The following PPFIBP2 variants were observed in gnomAD, a reference collection of about 807,000 sequenced individuals.
The protein encoded by PPFIBP2 is liprin-beta-2.
PPFIBP2 carries 118 observed loss-of-function variants against 118.3 expected under a neutral mutation model. The ratio of observed to expected loss-of-function variants is 1.00; its 90% CI spans 0.86 to 1.16. The LOEUF (loss-of-function observed/expected upper bound fraction) is 1.16, where lower values mean the gene tolerates loss of function less well. Ranked by LOEUF, PPFIBP2 falls within the 50% of genes most tolerant of loss-of-function variation. The pLI, the probability that PPFIBP2 is intolerant of heterozygous loss-of-function variation, is 0.00. For synonymous variants in PPFIBP2, 414 were observed against 397.4 expected (o/e 1.04, Z -0.50); for missense variants, 1,195 against 1,073.1 (o/e 1.11, Z -1.59).
chr11:7,555,203 A>G (rs2134599180), intron 2 of PPFIBP2, among the ~76,000 whole-genome samples: 1 of 152,260 alleles, frequency 6.6e-6, no homozygotes, highest in South Asian at 2.1e-4. Context: ...CGTGGTCAGG[A>G]CACAGAAGGC....
rs144535721 is a variant in PPFIBP2 at position 7,610,891 on chromosome 11, A to C, written c.618+469A>C. 6.0e-3 allele frequency among the ~76,000 whole-genome samples: 910 copies of C among 152,318 alleles called. 13 individuals carry two copies. The highest frequency in any genetic ancestry group is 0.021 in the African/African-American group (877 of 41,576). On this transcript the variant is annotated intron_variant, in intron 6 of 23. Coordinates refer to ENST00000299492, the MANE Select transcript of PPFIBP2 (RefSeq NM_003621.5). ...TCTCTTTTCCTGATGGGTCTTATGG[A>C]GCATGCCATGTGCAGGCCTTCTCTT... is the stretch of plus-strand genomic sequence containing the variant.
intron 3 of PPFIBP2, among the ~76,000 whole-genome samples, chr11:7,588,372 A>G (rs1007968340): frequency 3.9e-5 from 6 of 152,162 alleles, no homozygotes; most frequent in South Asian, 2.1e-4. Flanking sequence ...ATTGACTATC[A>G]TGATCAACTC....
At chr11:7,661,156 G>A (rs1407875860), downstream of PPFIBP2, among the ~76,000 whole-genome samples, 1 of 150,778 alleles carries the variant, frequency 6.6e-6, no homozygotes, top group Non-Finnish European at 1.5e-5. Flanking sequence ...CTTCAGTTCT[G>A]CTCTGATTTT....
chr11:7,628,109 TAGCAAATATTTAAGGAGGCCG>T (rs1850265833), intron 8 of PPFIBP2, among the ~76,000 whole-genome samples, 155 bp from the exon 9 acceptor site: 2 of 152,218 alleles, frequency 1.3e-5, no homozygotes, highest in African/African-American at 4.8e-5. Flanking sequence ...TTTAGTAGTC[TAGCAAATATTTAAGGAGGCCG>T]ATTCTGTAGC....
rs142714678 is a variant in PPFIBP2, at chr11:7,616,778, C to G, written c.619-4157C>G. Among the ~76,000 whole-genome samples the G allele has an allele frequency of 6.6e-6, 1 of 151,608 alleles. No homozygotes were observed. Among genetic ancestry groups the G allele is most frequent in the African/African-American group, 2.4e-5 (1 of 41,242 alleles). On this transcript the variant is annotated intron_variant, in intron 6 of 23. Coordinates refer to ENST00000299492, the MANE Select transcript of PPFIBP2 (RefSeq NM_003621.5). The surrounding 1 kb of genome is among the most constrained non-coding windows in gnomAD (Gnocchi z 5.2). ...AGAGAGGACGTGTTTGTGTGTGTGC[C>G]CCAGTGTGCACCCATCTCTGCTATT...
intron 3 of PPFIBP2, among the ~76,000 whole-genome samples, chr11:7,574,851 A>G (rs1362817619): frequency 2.6e-5 from 4 of 152,218 alleles, no homozygotes; most frequent in African/African-American, 9.6e-5. Flanking sequence ...GAGTTGAATT[A>G]CAACGTAAGT....
At chr11:7,631,190 A>G (rs1453771031) in intron 11 of PPFIBP2, 162 bp downstream of exon 11, 16 of 619,692 alleles carry the variant, frequency 2.6e-5, no homozygotes, top group Admixed American at 1.4e-4. Context: ...TGGGCGAGCA[A>G]GAGGCTGAGG....
At chr11:7,628,049 T>C (rs1850256886) in intron 8 of PPFIBP2, among the ~76,000 whole-genome samples, 1 of 152,210 alleles carries the variant, frequency 6.6e-6, no homozygotes, top group Non-Finnish European at 1.5e-5. Context: ...GGCATTTTGA[T>C]TTTGCCCATA....
rs563724806 is a variant in PPFIBP2, at chr11:7,634,393, C to G, written c.1137-102C>G. 7.4e-6 allele frequency: 7 copies of G among 944,910 alleles called. No homozygotes were observed. In the African/African-American group the frequency reaches 1.1e-4, roughly 15 times the overall value. 58.5% of individuals were successfully genotyped at this position (944,910 alleles called of 1,614,324 possible). ...GTATTTTTTTTTCTTGACTTTGAAC[C>G]TAAGCCCAAGACCATCGGTTAAGCA... On this transcript the variant is annotated intron_variant, in intron 12 of 23. Coordinates refer to ENST00000299492, the MANE Select transcript of PPFIBP2 (RefSeq NM_003621.5).
At chr11:7,597,707 C>A in intron 5 of PPFIBP2, 34 bp downstream of exon 5, 1 of 1,538,654 alleles carries the variant, frequency 6.5e-7, no homozygotes. Flanking sequence ...CCTTGGGTGC[C>A]GAAGCAGCTC....
chr11:7,600,909 A>G (rs904211941), intron 5 of PPFIBP2, among the ~76,000 whole-genome samples: 41 of 152,226 alleles, frequency 2.7e-4, no homozygotes, highest in African/African-American at 9.2e-4. Flanking sequence ...ATGCTGTGTG[A>G]ATCATACAGT....
At chr11:7,648,961 G>C in intron 19 of PPFIBP2, 50 bp downstream of exon 19, 1 of 1,530,178 alleles carries the variant, frequency 6.5e-7, no homozygotes. Flanking sequence ...GCAACTAAGA[G>C]TAGAAAGAAT....
intron 14 of PPFIBP2, among the ~76,000 whole-genome samples, chr11:7,637,277 T>C (rs1851575949): frequency 6.6e-6 from 1 of 152,232 alleles, no homozygotes; most frequent in Non-Finnish European, 1.5e-5. Flanking sequence ...TGGAGTGTGA[T>C]ATTCTAGATG....
At chr11:7,661,362 G>T (rs562653490), downstream of PPFIBP2, among the ~76,000 whole-genome samples, 253 of 150,734 alleles carry the variant, frequency 1.7e-3, 1 homozygote, top group African/African-American at 5.9e-3. Context: ...TGTTCTCGTT[G>T]GTTTCAAAGA....
chr11:7,570,998 G>A lies in PPFIBP2; in HGVS notation c.279+5231G>A, dbSNP rs189087520. ...CTTGGGTTCCAAAGTGTGGAGACAGGTTAGGAACCTCTCAGTTTACTGCTG... is the reference window on the plus strand; with the variant it reads ...CTTGGGTTCCAAAGTGTGGAGACAGATTAGGAACCTCTCAGTTTACTGCTG... On this transcript the variant is annotated intron_variant, in intron 3 of 23. Coordinates refer to ENST00000299492, the MANE Select transcript of PPFIBP2 (RefSeq NM_003621.5). Among the ~76,000 whole-genome samples the A allele has an allele frequency of 8.0e-4, 122 of 152,304 alleles. 1 individual carries two copies. In the East Asian group the frequency reaches 0.021, roughly 26 times the overall value.
chr11:7,648,872 G>A lies in PPFIBP2; in HGVS notation c.1870G>A (p.Glu624Lys), dbSNP rs965082577. 5.0e-6 allele frequency: 8 copies of A among 1,614,094 alleles called. No individual in the cohort carries two copies. The highest frequency in any genetic ancestry group is 1.3e-5 in the African/African-American group (1 of 75,034). The part of the protein sequence containing the change: ...LAVKAINTKQ[E>K]EKSALLDHIW... ...AGTGAAAGCCATCAACACCAAACAG[G>A]AGGAGAAGTCTGCACTGCTAGACCA... Residue 624 changes from glutamate (E) to lysine (K), a missense_variant, in exon 19 of 24, where the codon GAG (glutamate) becomes AAG (lysine). Coordinates refer to ENST00000299492, the MANE Select transcript of PPFIBP2 (RefSeq NM_003621.5).
chr11:7,563,837 T>G (rs1854620898), intron 2 of PPFIBP2, among the ~76,000 whole-genome samples: 1 of 152,130 alleles, frequency 6.6e-6, no homozygotes, highest in Admixed American at 6.5e-5. Context: ...GAAAGGAGAC[T>G]TTTGCTGCTG....
chr11:7,548,764 C>A (rs1179312947), intron 1 of PPFIBP2, among the ~76,000 whole-genome samples: 1 of 152,070 alleles, frequency 6.6e-6, no homozygotes, highest in Non-Finnish European at 1.5e-5. Flanking sequence ...GTTCATCTGC[C>A]CTGAAAAGAT....
chr11:7,521,335 C>G (rs1849743225), intron 1 of PPFIBP2, among the ~76,000 whole-genome samples: 1 of 152,138 alleles, frequency 6.6e-6, no homozygotes. Context: ...TAAAATACAC[C>G]ATCCTTGTAT....
Sources: gnomAD v4.1 joint callset for allele counts (sites outside exome capture counted in the v4.1 genomes callset) on GRCh38, gnomAD v4.1.1 for gene constraint, Gnocchi (gnomAD v3.1) non-coding constraint, MANE v1.5 for transcripts, NCBI Gene and HGNC (gene_info 2026-07-23, HGNC 2026-07-21) for gene names.